The following ATP8A1 variants were observed in gnomAD, a reference collection of about 807,000 sequenced individuals.
ATP8A1 encodes the protein ATPase phospholipid transporting 8A1, also known as phospholipid-transporting ATPase IA.
ATP8A1 carries 90 observed loss-of-function variants against 177.7 expected under a neutral mutation model. The observed-to-expected ratio is 0.51, with a 90% CI of 0.43 to 0.60. The LOEUF (loss-of-function observed/expected upper bound fraction) is 0.60. Among genes scored for constraint, ATP8A1 ranks in the 20% least tolerant of loss-of-function variants. ATP8A1 has a pLI of 0.00. For synonymous variants in ATP8A1, 493 were observed against 485.9 expected (o/e 1.01, Z -0.19); for missense variants, 1,072 against 1,392.8 (o/e 0.77, Z 3.67).
At chr4:42,574,488 A>C (rs1378107652) in intron 14 of ATP8A1, 131 bp downstream of exon 14, 4 of 701,642 alleles carry the variant, frequency 5.7e-6, no homozygotes, top group Middle Eastern at 2.4e-4. Flanking sequence ...CTAAAATTAT[A>C]ACAGCTGCTT....
chr4:42,513,855 A>C (rs1233590555), intron 22 of ATP8A1, among the ~76,000 whole-genome samples: 2 of 152,210 alleles, frequency 1.3e-5, no homozygotes, highest in Non-Finnish European at 2.9e-5. Flanking sequence ...TGACAAATTA[A>C]GAGGCTACTG....
rs1420855170 is a variant in ATP8A1, at chr4:42,409,145, TA to T, written c.*3770del. On this transcript the variant is annotated 3_prime_UTR_variant, in exon 37 of 37. Coordinates refer to ENST00000381668, the MANE Select transcript of ATP8A1 (RefSeq NM_006095.2). ...GTGATAGAACTTTACAAGGCAGAAATAAACATCAAGATTTACAGCAATAGCC... is the reference window on the plus strand; with the variant it reads ...GTGATAGAACTTTACAAGGCAGAAATAACATCAAGATTTACAGCAATAGCC... 1.3e-5 allele frequency: 2 copies of T among 152,154 alleles called. No homozygotes were observed. The highest frequency in any genetic ancestry group is 4.8e-5 in the African/African-American group (2 of 41,452). 9.4% of individuals were successfully genotyped at this position (152,154 alleles called of 1,614,324 possible).
chr4:42,548,104 T>C (rs1283111606), intron 19 of ATP8A1, among the ~76,000 whole-genome samples: 7 of 152,222 alleles, frequency 4.6e-5, no homozygotes, highest in Admixed American at 3.9e-4. Flanking sequence ...AGGGATCTAT[T>C]ATTCGACCTT....
chr4:42,510,372 C>T (rs369873497), intron 22 of ATP8A1, among the ~76,000 whole-genome samples: 1 of 152,182 alleles, frequency 6.6e-6, no homozygotes, highest in Non-Finnish European at 1.5e-5. Context: ...GATGCCAGCA[C>T]CACAACTGTT....
intron 24 of ATP8A1, among the ~76,000 whole-genome samples, chr4:42,494,861 GT>G (rs1210343796): frequency 2.0e-5 from 3 of 152,162 alleles, no homozygotes; most frequent in African/African-American, 7.2e-5. Flanking sequence ...CCCAGGGTTT[GT>G]TTTGCTGACA....
chr4:42,558,240 C>G (rs1730451268), intron 15 of ATP8A1, among the ~76,000 whole-genome samples: 1 of 152,260 alleles, frequency 6.6e-6, no homozygotes, highest in African/African-American at 2.4e-5. Context: ...AGAACCATCA[C>G]ATTAAAAGTA....
At chr4:42,549,659 G>A (rs991035330) in intron 18 of ATP8A1, among the ~76,000 whole-genome samples, 3 of 151,734 alleles carry the variant, frequency 2.0e-5, no homozygotes, top group African/African-American at 4.8e-5. Flanking sequence ...ATCAGGTGCG[G>A]TGGCACATGC....
At chr4:42,572,923 G>C (rs1405852921) in intron 14 of ATP8A1, among the ~76,000 whole-genome samples, 1 of 152,226 alleles carries the variant, frequency 6.6e-6, no homozygotes, top group South Asian at 2.1e-4. Flanking sequence ...TATTTCCTCA[G>C]GAAGAAATTC....
intron 20 of ATP8A1, 46 bp from the exon 21 acceptor site, chr4:42,524,893 G>A: frequency 7.8e-7 from 1 of 1,278,018 alleles, no homozygotes. Context: ...AGCATTCTGG[G>A]TTTAATAAAG....
At chr4:42,439,600 G>C (rs1264042026) in intron 33 of ATP8A1, among the ~76,000 whole-genome samples, 3 of 152,230 alleles carry the variant, frequency 2.0e-5, no homozygotes, top group Non-Finnish European at 4.4e-5. Context: ...CATCGCTCGA[G>C]AAGCAGTTTA....
intron 24 of ATP8A1, among the ~76,000 whole-genome samples, chr4:42,498,775 C>T (rs1560392605): frequency 6.6e-6 from 1 of 152,074 alleles, no homozygotes; most frequent in Non-Finnish European, 1.5e-5. Context: ...CACAACTCCA[C>T]CCCTAAATGA....
At chr4:42,478,206 C>T (rs1004756844) in intron 25 of ATP8A1, among the ~76,000 whole-genome samples, 1 of 151,780 alleles carries the variant, frequency 6.6e-6, no homozygotes, top group Non-Finnish European at 1.5e-5. Flanking sequence ...AATACAAAAA[C>T]TTAGCTGGGT....
intron 15 of ATP8A1, among the ~76,000 whole-genome samples, chr4:42,565,660 A>AT (rs1287135619): frequency 1.3e-5 from 2 of 152,202 alleles, no homozygotes; most frequent in Non-Finnish European, 2.9e-5. Flanking sequence ...ATAATATGTT[A>AT]TTTTGGATTT....
chr4:42,417,973 T>C (rs775509650), intron 35 of ATP8A1, among the ~76,000 whole-genome samples: 92 of 152,320 alleles, frequency 6.0e-4, no homozygotes, highest in South Asian at 1.4e-3. Flanking sequence ...AAGGAAACAT[T>C]TGACAGATCC....
At chr4:42,654,421 A>G (rs764894731) in intron 1 of ATP8A1, among the ~76,000 whole-genome samples, 46 of 151,902 alleles carry the variant, frequency 3.0e-4, no homozygotes, top group Non-Finnish European at 5.9e-4. Context: ...CAAGGGGGGG[A>G]AAAGAGCTTA....
chr4:42,557,539 A>C (rs1026918757), intron 15 of ATP8A1, among the ~76,000 whole-genome samples: 2 of 152,226 alleles, frequency 1.3e-5, no homozygotes, highest in African/African-American at 4.8e-5. Context: ...ATGCCTTATT[A>C]ATCTCACCAA....
intron 14 of ATP8A1, among the ~76,000 whole-genome samples, chr4:42,569,504 A>G (rs906810317): frequency 1.1e-4 from 16 of 152,236 alleles, no homozygotes; most frequent in Admixed American, 3.3e-4. Context: ...ATTTCAACTT[A>G]GCAGTTGAAA....
intron 14 of ATP8A1, 35 bp from the exon 15 acceptor site, chr4:42,569,240 A>G (rs761879867): frequency 1.3e-6 from 2 of 1,557,496 alleles, no homozygotes; most frequent in African/African-American, 1.4e-5. Context: ...GAAAGAGAGG[A>G]AAAATAATCA....
At chr4:42,581,765 A>G (rs778392439) in intron 9 of ATP8A1, 33 bp from the exon 10 acceptor site, 1 of 1,481,774 alleles carries the variant, frequency 6.7e-7, no homozygotes, top group Non-Finnish European at 9.4e-7. Context: ...TAGAAACAGT[A>G]TTTTCTAAAA....
Sources: allele counts gnomAD v4.1 joint callset (sites outside exome capture counted in the v4.1 genomes callset), GRCh38; gene constraint gnomAD v4.1.1; transcripts MANE v1.5; gene names NCBI Gene and HGNC (gene_info 2026-07-23, HGNC 2026-07-21).